Variants in CFAP46 observed in about 807,000 individuals in gnomAD.
The protein encoded by CFAP46 is cilia and flagella associated protein 46.
A neutral mutation model predicts 325.7 loss-of-function variants in CFAP46; 245 were observed. That is an observed-to-expected ratio of 0.75 (90% confidence interval 0.68 to 0.84). CFAP46 has a LOEUF of 0.84. Ranked by LOEUF, CFAP46 falls within the 40% of genes least tolerant of loss-of-function variation. The probability of loss-of-function intolerance (pLI) is 0.00; values close to 1 mark genes in which losing one functional copy is unlikely to be tolerated. For missense variants in CFAP46, 3,346 were observed against 3,543.0 expected, an observed-to-expected ratio of 0.94 and a Z score of 1.41; for synonymous variants, 1,523 against 1,495.9, an observed-to-expected ratio of 1.02 and a Z score of -0.42.
chr10:132,912,877 C>G (rs1478995136), intron 18 of CFAP46, 57 bp from the exon 19 acceptor site: 11 of 1,534,942 alleles, frequency 7.2e-6, no homozygotes, highest in Non-Finnish European at 9.6e-6. Context: ...GCCCCGATCC[C>G]ATGTGCTGAG....
intron 17 of CFAP46, 39 bp from the exon 18 acceptor site, chr10:132,913,297 C>A: frequency 6.5e-7 from 1 of 1,528,700 alleles, no homozygotes; most frequent in Non-Finnish European, 8.9e-7. Flanking sequence ...ATGCAGGGTC[C>A]CCAGCCCCGG....
Position 132,939,245 on chromosome 10 carries a change from A to G in CFAP46, c.372-492T>C, listed in dbSNP as rs1850061878. 6.6e-6 allele frequency among the ~76,000 whole-genome samples: 1 copy of G among 152,200 alleles called. No individual in the cohort carries two copies. Among genetic ancestry groups the G allele is most frequent in the Non-Finnish European group, 1.5e-5 (1 of 68,030 alleles). ...AGCCAAGACAGTAGTAGAGGAAAAG[A>G]AGGTCAGGAAGATGGAGGAGAAGGG... On this transcript the variant is annotated intron_variant, in intron 4 of 57. Transcript: ENST00000368586. The surrounding 1 kb of genome is among the most constrained non-coding windows in gnomAD (Gnocchi z 4.6).
intron 50 of CFAP46, among the ~76,000 whole-genome samples, chr10:132,824,495 CTGTGTGCTGA>C (rs1236355294): frequency 0.025 from 2,004 of 79,736 alleles, 16 homozygotes; most frequent in Non-Finnish European, 0.036. Context: ...GCGCTGTGTG[CTGTGTGCTGA>C]TGTGTGCTGA....
In CFAP46 at chr10:132,879,627, C is replaced by A; in HGVS notation, c.3804G>T (p.Glu1268Asp). The change falls in exon 29 of 58, where the codon GAG becomes GAT. Residue 1268 changes from glutamate to aspartate, a missense_variant. Physicochemically the swap from Glu to Asp is conservative, Grantham distance 45. Transcript: ENST00000368586. ...GTGGGGGCATCTCCACAGCCACGTACTCCCCTGAAACACGGGGTGCCCGAG... is the reference window on the plus strand; with the variant it reads ...GTGGGGGCATCTCCACAGCCACGTAATCCCCTGAAACACGGGGTGCCCGAG... ...VPEPQPTPDG[E>D]YVAVEMPPRS... The A allele has an allele frequency of 1.3e-6, 2 of 1,526,074 alleles. No individual in the cohort carries two copies. The highest frequency in any genetic ancestry group is 1.2e-5 in the South Asian group (1 of 80,294). The allele number at this position is 1,526,074 out of a possible 1,614,324, so 94.5% of individuals were successfully genotyped here. A position where few individuals can be genotyped will look rare whatever the true frequency, so the allele number is the denominator to read the frequency against.
chr10:132,832,618 G>A lies in CFAP46; in HGVS notation c.7117+740C>T, dbSNP rs1019501418. On this transcript the variant is annotated intron_variant, in intron 50 of 57. Transcript: ENST00000368586. This position sits in a 1 kb window ranked among gnomAD's most constrained non-coding sequence, Gnocchi z 4.1. ...CTGAGATGGAAGCAAAAGTCCAATC[G>A]ATTTATTTTTAATTTTATTTGATAC... 3.2e-5 allele frequency: 12 copies of A among 372,790 alleles called. No individual in the cohort carries two copies. The highest frequency in any genetic ancestry group is 5.6e-5 in the Non-Finnish European group (10 of 177,550). The allele number at this position is 372,790 out of a possible 1,614,324, so 23.1% of individuals were successfully genotyped here.
In CFAP46 at chr10:132,835,304, C is replaced by T. The variant is rs147432801; in HGVS notation, c.6744G>A (p.Ser2248=). ...YSEDMALNIG[S]EPEGLQVEEK... ...TGGCTTGGAGCCTGGAGGGCCTCAC[C>T]GAGCCTATGTTCAGGGCCATGTCCT... The change falls in exon 47 of 58, where the codon TCG becomes TCA. Residue 2248 remains serine, a splice_region_variant and synonymous_variant. Transcript: ENST00000368586. 37 of 1,612,306 alleles carry T rather than the reference C, an allele frequency of 2.3e-5. No individual in the cohort carries two copies. The highest frequency in any genetic ancestry group is 1.2e-4 in the South Asian group (11 of 91,042).
chr10:132,864,740 C>A (rs1201670107), intron 35 of CFAP46, among the ~76,000 whole-genome samples: 2 of 128,358 alleles, frequency 1.6e-5, no homozygotes, highest in Non-Finnish European at 3.2e-5. Flanking sequence ...TGCCTGAGAC[C>A]TGCACACTCC....
rs745809939 is a variant in CFAP46, at chr10:132,940,992, C to T, written c.371+4G>A. 22 of 1,614,074 alleles carry T rather than the reference C, an allele frequency of 1.4e-5. No individual in the cohort carries two copies. Among genetic ancestry groups the T allele is most frequent in the Non-Finnish European group, 1.8e-5 (21 of 1,180,032 alleles). On this transcript the variant is annotated splice_donor_region_variant and intron_variant, in intron 4 of 57. Transcript: ENST00000368586. ...TGAGAAACGGCCACTTCAATTTTGC[C>T]TACCTCGGTTCTCCTTTGGCAAAGT...
At position 132,939,514 on chromosome 10, in the gene CFAP46, G is replaced by A. The variant is rs918821213; in HGVS notation, c.372-761C>T. Among the ~76,000 whole-genome samples the A allele has an allele frequency of 2.0e-5, 3 of 152,260 alleles. No homozygotes were observed. The highest frequency in any genetic ancestry group is 1.9e-4 in the East Asian group (1 of 5,176). On this transcript the variant is annotated intron_variant, in intron 4 of 57. Transcript: ENST00000368586. The surrounding 1 kb of genome is among the most constrained non-coding windows in gnomAD (Gnocchi z 4.6). ...CCTGTGTGCCTTGTGGTCCTGGGCC[G>A]GCCACCAGGTGGACCAGCACTGCTC...
chr10:132,840,934 T>A lies in CFAP46; in HGVS notation c.6439-4020A>T, dbSNP rs138989739. On this transcript the variant is annotated intron_variant, in intron 44 of 57. Coordinates refer to ENST00000368586, the MANE Select transcript of CFAP46 (RefSeq NM_001200049.3). ...ATAGAGTCCGGGGTGGCACAGGGCA[T>A]TCCGTGGCGAGGGGGCTGAGTGTGC... Among the ~76,000 whole-genome samples the A allele has an allele frequency of 1.5e-3, 227 of 152,288 alleles. 1 individual carries two copies. Among genetic ancestry groups the A allele is most frequent in the South Asian group, 0.011 (51 of 4,820 alleles).
rs1847657110 is a variant in CFAP46 at position 132,814,707 on chromosome 10, C to CTA, written c.7226_7227dup (p.Val2410Ter). ...ATACACTTGAAGTTGTCTGAGTCGA[C>CTA]TATGATGCAGTCAGGGGGGATGGTC... On this transcript the variant is annotated frameshift_variant, in exon 52 of 58. Coordinates refer to ENST00000368586, the MANE Select transcript of CFAP46 (RefSeq NM_001200049.3). LOFTEE classifies it high-confidence loss of function. The CTA allele has an allele frequency of 6.2e-7, 1 of 1,611,082 alleles. No homozygotes were observed.
At chr10:132,814,348 A>C (rs988265050) in intron 53 of CFAP46, 94 bp from the exon 54 acceptor site, 8 of 1,128,834 alleles carry the variant, frequency 7.1e-6, no homozygotes, top group Non-Finnish European at 1.0e-5. Flanking sequence ...CAGCGAATGC[A>C]GGCGCATATA....
At chr10:132,874,993 G>T (rs535688231) in intron 31 of CFAP46, among the ~76,000 whole-genome samples, 2 of 152,288 alleles carry the variant, frequency 1.3e-5, no homozygotes, top group South Asian at 4.1e-4. Context: ...CAGATAAAAC[G>T]ATGATGTACA....
intron 24 of CFAP46, among the ~76,000 whole-genome samples, chr10:132,898,283 C>G (rs935203686): frequency 6.6e-6 from 1 of 152,230 alleles, no homozygotes; most frequent in Admixed American, 6.5e-5. Context: ...AACTCCAGCG[C>G]CTGCTCAGGA....
At chr10:132,810,852 C>T (rs1383318609) in intron 56 of CFAP46, 98 bp downstream of exon 56, 2 of 1,166,178 alleles carry the variant, frequency 1.7e-6, no homozygotes, top group Admixed American at 4.0e-5. Context: ...TTCTTGAAAC[C>T]CGACCCCAGG....
chr10:132,915,756 G>A (rs927199093), intron 17 of CFAP46, among the ~76,000 whole-genome samples: 48 of 152,332 alleles, frequency 3.2e-4, no homozygotes, highest in African/African-American at 9.6e-4. Flanking sequence ...CACGGCGAGC[G>A]ACTATAGTTT....
chr10:132,822,115 G>GA (rs1354263999), intron 50 of CFAP46, among the ~76,000 whole-genome samples: 11 of 143,654 alleles, frequency 7.7e-5, no homozygotes, highest in African/African-American at 1.4e-4. Context: ...GATGTGTGCT[G>GA]TGTGTGCACT....
chr10:132,810,515 G>A, intron 56 of CFAP46, 26 bp from the exon 57 acceptor site: 1 of 1,600,868 alleles, frequency 6.2e-7, no homozygotes, highest in Non-Finnish European at 8.6e-7. Flanking sequence ...CCCCTCAGGA[G>A]GGCATGGACA....
intron 56 of CFAP46, chr10:132,810,704 A>G (rs1847562791): frequency 1.4e-6 from 1 of 730,988 alleles, no homozygotes; most frequent in Non-Finnish European, 2.5e-6. Flanking sequence ...GGGCTCCTCC[A>G]GGGACAGCTG....
Sources: gnomAD v4.1 joint callset for allele counts (sites outside exome capture counted in the v4.1 genomes callset) on GRCh38, gnomAD v4.1.1 for gene constraint, Gnocchi (gnomAD v3.1) non-coding constraint, MANE v1.5 for transcripts, NCBI Gene and HGNC (gene_info 2026-07-23, HGNC 2026-07-21) for gene names.